Variants in SH3KBP1 observed in about 807,000 individuals in gnomAD.
SH3KBP1 encodes SH3 domain-containing kinase-binding protein 1.
In SH3KBP1, 8 loss-of-function variants were observed where a neutral mutation model predicts 50.1. The ratio of observed to expected loss-of-function variants is 0.16; its 90% CI spans 0.09 to 0.29. SH3KBP1 has a LOEUF of 0.29. SH3KBP1 is among the 10% of genes least tolerant of loss of function. The pLI is 1.00. For missense variants in SH3KBP1, 377 were observed against 535.2 expected, an observed-to-expected ratio of 0.70 and a Z score of 2.92; for synonymous variants, 227 against 218.6, an observed-to-expected ratio of 1.04 and a Z score of -0.34.
Position 19,588,638 on chromosome X carries a change from A to G in SH3KBP1, c.1298+5T>C, listed in dbSNP as rs1278356542. 1.7e-6 allele frequency: 2 copies of G among 1,207,039 alleles called. No homozygotes were observed. Among genetic ancestry groups the G allele is most frequent in the Admixed American group, 4.4e-5 (2 of 45,545 alleles). On this transcript the variant is annotated splice_donor_5th_base_variant and intron_variant, in intron 12 of 17. Transcript: ENST00000397821. ...CCCGCCCCGGAGGTGAGAGCACAGC[A>G]GTACCTGGTGTGTGTCAGCGGACCC... is the stretch of plus-strand genomic sequence containing the variant.
At chrX:19,541,426 C>G (rs1448934616) in intron 16 of SH3KBP1, among the ~76,000 whole-genome samples, 1 of 111,758 alleles carries the variant, frequency 8.9e-6, no homozygotes, top group Non-Finnish European at 1.9e-5. Context: ...GTGAGAACAT[C>G]TTACTGAGTG....
At chrX:19,559,703 C>T (rs1214875519) in intron 13 of SH3KBP1, among the ~76,000 whole-genome samples, 1 of 111,322 alleles carries the variant, frequency 9.0e-6, no homozygotes, top group Non-Finnish European at 1.9e-5. Flanking sequence ...AAAAACCAGA[C>T]CGTAGTCTAG....
chrX:19,607,645 A>G (rs2067279707), intron 9 of SH3KBP1, among the ~76,000 whole-genome samples: 1 of 111,884 alleles, frequency 8.9e-6, no homozygotes. Context: ...AGAGCACCCA[A>G]GGTTCTCACA....
At chrX:19,554,013 TAATA>T (rs1484694311) in intron 13 of SH3KBP1, among the ~76,000 whole-genome samples, 5 of 66,068 alleles carry the variant, frequency 7.6e-5, no homozygotes, top group African/African-American at 4.1e-4. Context: ...ATATAATATA[TAATA>T]TATATTAAAA....
At chrX:19,787,744 A>G (rs1042010208) in intron 2 of SH3KBP1, among the ~76,000 whole-genome samples, 2 of 111,557 alleles carry the variant, frequency 1.8e-5, no homozygotes, top group African/African-American at 6.5e-5. Context: ...TCTCAATCAC[A>G]TTTTAATTTT....
At chrX:19,759,317 G>C (rs2065308480) in intron 2 of SH3KBP1, among the ~76,000 whole-genome samples, 2 of 111,544 alleles carry the variant, frequency 1.8e-5, no homozygotes, top group Non-Finnish European at 3.8e-5. Context: ...TTCTTGCTCT[G>C]AAAGGCCAGC....
chrX:19,655,977 T>C (rs1223469613), intron 6 of SH3KBP1, among the ~76,000 whole-genome samples: 1 of 111,894 alleles, frequency 8.9e-6, no homozygotes, highest in Non-Finnish European at 1.9e-5. Flanking sequence ...GCAACTTGCA[T>C]TAAATTCTAA....
At chrX:19,557,664 A>G (rs371786910) in intron 13 of SH3KBP1, among the ~76,000 whole-genome samples, 2 of 111,836 alleles carry the variant, frequency 1.8e-5, no homozygotes, top group Non-Finnish European at 3.8e-5. Context: ...AAGATTGTGT[A>G]TTATGATCCT....
chrX:19,655,950 T>C (rs1217240746), intron 6 of SH3KBP1, among the ~76,000 whole-genome samples: 1 of 112,117 alleles, frequency 8.9e-6, no homozygotes, highest in Non-Finnish European at 1.9e-5. Flanking sequence ...TGGGAAAATA[T>C]GCCTCACAGC....
intron 2 of SH3KBP1, among the ~76,000 whole-genome samples, chrX:19,747,874 A>G (rs1262526819): frequency 8.9e-6 from 1 of 112,452 alleles, no homozygotes; most frequent in African/African-American, 3.2e-5. Flanking sequence ...GTGTGCTTGA[A>G]TATATGTACA....
chrX:19,722,415 C>G (rs2064081072), intron 3 of SH3KBP1, among the ~76,000 whole-genome samples: 1 of 111,529 alleles, frequency 9.0e-6, no homozygotes, highest in South Asian at 3.7e-4. Context: ...TACTTAAATT[C>G]TGGAAAGCAC....
intron 17 of SH3KBP1, among the ~76,000 whole-genome samples, chrX:19,537,447 G>A (rs1188733270): frequency 2.0e-5 from 2 of 97,694 alleles, no homozygotes; most frequent in Non-Finnish European, 4.0e-5. Context: ...CACAGAGCGA[G>A]ACTCCGTCTC....
intron 13 of SH3KBP1, among the ~76,000 whole-genome samples, chrX:19,556,114 A>G (rs896126795): frequency 8.9e-5 from 10 of 112,513 alleles, no homozygotes; most frequent in African/African-American, 3.2e-4. Context: ...CAGGAAAAAA[A>G]TGAGAGAATT....
intron 13 of SH3KBP1, among the ~76,000 whole-genome samples, chrX:19,565,327 G>A (rs1258310085): frequency 1.8e-5 from 2 of 110,398 alleles, no homozygotes; most frequent in Non-Finnish European, 3.8e-5. Context: ...CTCCCAAAGC[G>A]CTGGGATTAC....
chrX:19,887,561 G>A lies in SH3KBP1; in HGVS notation c.-251C>T. 2.1e-5 allele frequency: 3 copies of A among 144,991 alleles called. No individual in the cohort carries two copies. The highest frequency in any genetic ancestry group is 3.7e-5 in the Non-Finnish European group (3 of 81,063). The allele number at this position is 144,991 out of a possible 1,213,427, so 11.9% of individuals were successfully genotyped here. On this transcript the variant is annotated 5_prime_UTR_variant, in exon 1 of 18. Transcript: ENST00000397821. ...TGTTGCATCGCGGCCCAATGCGCCC[G>A]GCTGCGCCGGGTTTCCTGCTCCCCG...
chrX:19,544,323 C>T (rs993321667), intron 15 of SH3KBP1, among the ~76,000 whole-genome samples: 9 of 110,782 alleles, frequency 8.1e-5, no homozygotes, highest in Non-Finnish European at 1.3e-4. Context: ...TGCCGGACAC[C>T]GGCTAGACAA....
chrX:19,564,492 T>G (rs55700926), intron 13 of SH3KBP1, among the ~76,000 whole-genome samples: 3,724 of 110,550 alleles, frequency 0.034, 156 homozygotes, highest in African/African-American at 0.12. Flanking sequence ...GAAATCAGAC[T>G]CAAATGGTAT....
rs1192764467 is a variant in SH3KBP1, at chrX:19,574,306, GTTTCCTCCTAGTACAATGCTTTATACAT to G, written c.1299-5146_1299-5119del. ...TTCAGAATGGGATTTTGTCACTTTT[GTTTCCTCCTAGTACAATGCTTTATACAT>G]TTATGTATGCCAAAAAGTGTTTAAC... On this transcript the variant is annotated intron_variant, in intron 12 of 17. Transcript: ENST00000397821. 3.6e-5 allele frequency among the ~76,000 whole-genome samples: 4 copies of G among 112,003 alleles called. No homozygotes were observed. In the East Asian group the frequency reaches 8.3e-4, roughly 23 times the overall value.
intron 6 of SH3KBP1, among the ~76,000 whole-genome samples, chrX:19,667,118 A>G (rs1270004482): frequency 8.9e-6 from 1 of 112,232 alleles, no homozygotes; most frequent in African/African-American, 3.2e-5. Context: ...AAATATCCCC[A>G]CGAATCCACA....
Sources: gnomAD v4.1 joint callset for allele counts (sites outside exome capture counted in the v4.1 genomes callset) on GRCh38, gnomAD v4.1.1 for gene constraint, MANE v1.5 for transcripts, NCBI Gene and HGNC (gene_info 2026-07-23, HGNC 2026-07-21) for gene names.